The following GPC6 variants were observed in gnomAD, a reference collection of about 807,000 sequenced individuals.
GPC6 encodes the protein glypican 6.
In GPC6, 14 loss-of-function variants were observed where a neutral mutation model predicts 55.2. That is an observed-to-expected ratio of 0.25 (90% CI 0.17 to 0.40). The LOEUF is 0.40. Among genes scored for constraint, GPC6 ranks in the 10% least tolerant of loss-of-function variants. The probability of loss-of-function intolerance (pLI) is 1.00; values close to 1 mark genes in which losing one functional copy is unlikely to be tolerated. For missense variants in GPC6, 641 were observed against 708.5 expected (o/e 0.90, Z 1.08); for synonymous variants, 278 against 259.6 (o/e 1.07, Z -0.68).
At chr13:94,114,160 A>C (rs1002554521) in intron 4 of GPC6, among the ~76,000 whole-genome samples, 4 of 150,776 alleles carry the variant, frequency 2.7e-5, no homozygotes, top group Non-Finnish European at 5.9e-5. Flanking sequence ...TTCTAAATTA[A>C]AAAAAAAATT....
At chr13:93,259,986 T>C (rs76191665) in intron 1 of GPC6, among the ~76,000 whole-genome samples, 5,956 of 152,204 alleles carry the variant, frequency 0.039, 380 homozygotes, top group African/African-American at 0.13. Context: ...TTACTTAATA[T>C]GGCTTAGTTC....
At chr13:93,235,131 G>A (rs1876190803) in intron 1 of GPC6, among the ~76,000 whole-genome samples, 2 of 152,084 alleles carry the variant, frequency 1.3e-5, no homozygotes, top group South Asian at 2.1e-4. Context: ...TTTAATCTAA[G>A]TACCAAATAT....
At chr13:93,688,454 T>A (rs1229300027) in intron 2 of GPC6, among the ~76,000 whole-genome samples, 1 of 152,074 alleles carries the variant, frequency 6.6e-6, no homozygotes, top group Non-Finnish European at 1.5e-5. Context: ...AGCAGAGCGT[T>A]AGATATGTGT....
intron 1 of GPC6, among the ~76,000 whole-genome samples, chr13:93,479,750 G>A (rs571037696): frequency 2.4e-4 from 37 of 152,244 alleles, no homozygotes; most frequent in African/African-American, 6.3e-4. Flanking sequence ...ATCACTTGCC[G>A]TCAGCAATGT....
At chr13:94,013,241 C>T (rs1882321045) in intron 3 of GPC6, among the ~76,000 whole-genome samples, 1 of 147,190 alleles carries the variant, frequency 6.8e-6, no homozygotes, top group South Asian at 2.1e-4. Context: ...TATATATGTC[C>T]GTTTATAATT....
chr13:93,740,074 T>C (rs1355178008), intron 2 of GPC6, among the ~76,000 whole-genome samples: 1 of 152,098 alleles, frequency 6.6e-6, no homozygotes, highest in Non-Finnish European at 1.5e-5. Flanking sequence ...ACCATCCCCT[T>C]TCAATTACAA....
intron 1 of GPC6, among the ~76,000 whole-genome samples, chr13:93,429,677 A>G (rs144050948): frequency 6.6e-6 from 1 of 152,266 alleles, no homozygotes; most frequent in East Asian, 1.9e-4. Context: ...GATATGAGAA[A>G]AAGGACAAGC....
chr13:93,861,957 G>A (rs553480976), intron 3 of GPC6, among the ~76,000 whole-genome samples: 1 of 151,646 alleles, frequency 6.6e-6, no homozygotes, highest in Non-Finnish European at 1.5e-5. Context: ...TGCCTGCCCT[G>A]AGCTGCTGCT....
At chr13:93,563,287 G>T (rs1875907364) in intron 2 of GPC6, among the ~76,000 whole-genome samples, 1 of 152,132 alleles carries the variant, frequency 6.6e-6, no homozygotes, top group Non-Finnish European at 1.5e-5. Flanking sequence ...AATCATGGTG[G>T]GAGGGATGGG....
intron 2 of GPC6, among the ~76,000 whole-genome samples, chr13:93,759,281 A>G (rs1489679967): frequency 1.3e-5 from 2 of 152,138 alleles, no homozygotes; most frequent in Non-Finnish European, 2.9e-5. Context: ...GTGTCCCCAT[A>G]TGTATCCCCC....
intron 1 of GPC6, among the ~76,000 whole-genome samples, chr13:93,233,609 C>T (rs1327645833): frequency 6.6e-6 from 1 of 152,146 alleles, no homozygotes; most frequent in Non-Finnish European, 1.5e-5. Flanking sequence ...ACTAAGGACA[C>T]CTGGCACTGT....
chr13:93,855,003 G>A (rs1888550236), intron 3 of GPC6, among the ~76,000 whole-genome samples: 1 of 151,544 alleles, frequency 6.6e-6, no homozygotes, highest in African/African-American at 2.4e-5. Flanking sequence ...TGGCACATGT[G>A]TTATGACTGA....
At chr13:94,390,858 A>G (rs1387553946) in intron 7 of GPC6, among the ~76,000 whole-genome samples, 1 of 147,564 alleles carries the variant, frequency 6.8e-6, no homozygotes, top group Admixed American at 6.9e-5. Context: ...GCAGGGAGGA[A>G]GCTGTGTGAA....
intron 2 of GPC6, among the ~76,000 whole-genome samples, chr13:93,603,581 C>T (rs900827794): frequency 1.3e-5 from 2 of 152,194 alleles, no homozygotes; most frequent in African/African-American, 4.8e-5. Context: ...TGAGGTCACA[C>T]ATCAAGGCTC....
At chr13:93,681,121 G>T (rs562995521) in intron 2 of GPC6, among the ~76,000 whole-genome samples, 1 of 152,020 alleles carries the variant, frequency 6.6e-6, no homozygotes, top group East Asian at 1.9e-4. Context: ...TGTTTCTTTC[G>T]ATCTTGATAA....
At chr13:93,784,246 C>G (rs1885751997) in intron 2 of GPC6, among the ~76,000 whole-genome samples, 1 of 152,078 alleles carries the variant, frequency 6.6e-6, no homozygotes, top group African/African-American at 2.4e-5. Context: ...GGTTTGAGAA[C>G]TATTAGAAAT....
intron 1 of GPC6, among the ~76,000 whole-genome samples, chr13:93,456,418 C>T (rs1878456256): frequency 6.6e-6 from 1 of 152,060 alleles, no homozygotes; most frequent in Non-Finnish European, 1.5e-5. Context: ...TTTTAAATGA[C>T]AAGTAGGTAA....
At chr13:94,356,060 CCATGTCCCTGCAAAGGA>C (rs773721119) in intron 6 of GPC6, among the ~76,000 whole-genome samples, 9 of 151,418 alleles carry the variant, frequency 5.9e-5, no homozygotes, top group Admixed American at 2.0e-4. Context: ...TTAGCTCCAT[CCATGTCCCTGCAAAGGA>C]CATGTCCCTG....
intron 3 of GPC6, among the ~76,000 whole-genome samples, chr13:93,911,291 G>C (rs891247451): frequency 6.6e-6 from 1 of 152,150 alleles, no homozygotes; most frequent in Admixed American, 6.5e-5. Context: ...GGACCGACAA[G>C]AGATAGCTAT....
Sources: gnomAD v4.1 joint callset for allele counts (sites outside exome capture counted in the v4.1 genomes callset) on GRCh38, gnomAD v4.1.1 for gene constraint, MANE v1.5 for transcripts, NCBI Gene and HGNC (gene_info 2026-07-23, HGNC 2026-07-21) for gene names.